The following RIC3 variants were observed in gnomAD, a reference collection of about 807,000 sequenced individuals.
RIC3 encodes protein RIC-3.
Under a neutral mutation model 27.3 loss-of-function variants are expected in RIC3, and 28 were observed. That is an observed-to-expected ratio of 1.02 (90% CI 0.76 to 1.41). RIC3 has a LOEUF of 1.41. RIC3 is among the 40% of genes most tolerant of loss of function. RIC3 has a pLI of 0.00. For synonymous variants in RIC3, 184 were observed against 160.4 expected, an observed-to-expected ratio of 1.15 and a Z score of -1.11; for missense variants, 501 against 444.7, an observed-to-expected ratio of 1.13 and a Z score of -1.14.
chr11:8,112,314 G>T (rs1186479407), intron 5 of RIC3, among the ~76,000 whole-genome samples: 1 of 147,790 alleles, frequency 6.8e-6, no homozygotes. Context: ...TTTTGAGACG[G>T]AGTCTCGCTC....
downstream of RIC3, chr11:8,101,078 C>T: frequency 1.3e-6 from 2 of 1,491,216 alleles, no homozygotes; most frequent in Non-Finnish European, 1.8e-6. Flanking sequence ...CCTAGCCCTG[C>T]CTACACTGGC....
At chr11:8,126,336 A>G (rs1178591525) in intron 5 of RIC3, among the ~76,000 whole-genome samples, 1 of 152,244 alleles carries the variant, frequency 6.6e-6, no homozygotes, top group Non-Finnish European at 1.5e-5. Flanking sequence ...AAAGAAGCCA[A>G]TGAGTATATG....
intron 1 of RIC3, among the ~76,000 whole-genome samples, chr11:8,162,355 A>G (rs992785916): frequency 2.0e-5 from 3 of 152,228 alleles, no homozygotes; most frequent in African/African-American, 7.2e-5. Context: ...TGACTTGGTG[A>G]TGCTCATGAT....
rs1945130896 is a variant in RIC3, at chr11:8,110,620, C to A, written c.*78G>T. 1.1e-5 allele frequency: 14 copies of A among 1,286,904 alleles called. No individual in the cohort carries two copies. The highest frequency in any genetic ancestry group is 1.5e-5 in the African/African-American group (1 of 68,466). The allele number at this position is 1,286,904 out of a possible 1,614,324, so 79.7% of individuals were successfully genotyped here. On this transcript the variant is annotated 3_prime_UTR_variant, in exon 6 of 6. Transcript: ENST00000309737. ...TGAACACAGTGAAGAAAGTGCAGGG[C>A]ACAGGGCCAAGAAGGAAATCTGAGG...
chr11:8,139,906 T>G, intron 2 of RIC3, 61 bp downstream of exon 2: 1 of 1,430,940 alleles, frequency 7.0e-7, no homozygotes, highest in Non-Finnish European at 9.7e-7. Flanking sequence ...ATGTAGACAA[T>G]GATTTTTATT....
intron 1 of RIC3, among the ~76,000 whole-genome samples, chr11:8,143,242 C>G (rs1949270954): frequency 6.6e-6 from 1 of 151,892 alleles, no homozygotes; most frequent in South Asian, 2.1e-4. Context: ...CAAATTGTCT[C>G]TGTTTGCAGA....
the RIC3 span, among the ~76,000 whole-genome samples, chr11:8,098,188 C>G: frequency 4.6e-5 from 7 of 151,596 alleles, no homozygotes; most frequent in South Asian, 2.1e-4. Context: ...AGGGAAGAGA[C>G]ACACAGCAAT....
At chr11:8,096,856 C>T in the RIC3 span, 10 of 1,594,786 alleles carry the variant, frequency 6.3e-6, no homozygotes, top group South Asian at 3.3e-5. Flanking sequence ...ACTGCTCATC[C>T]GTTAGAGGTG....
At chr11:8,094,821 C>T in the RIC3 span, among the ~76,000 whole-genome samples, 3 of 152,214 alleles carry the variant, frequency 2.0e-5, no homozygotes, top group South Asian at 4.1e-4. Context: ...CACTGCGTCA[C>T]GGTTGGACAG....
chr11:8,157,322 T>C (rs564979121), intron 1 of RIC3, among the ~76,000 whole-genome samples: 1 of 152,232 alleles, frequency 6.6e-6, no homozygotes, highest in Non-Finnish European at 1.5e-5. Context: ...ACTGTTAAGA[T>C]ACCAGTCCTA....
chr11:8,155,211 C>T (rs1258962469), intron 1 of RIC3, among the ~76,000 whole-genome samples: 1 of 130,734 alleles, frequency 7.6e-6, no homozygotes, highest in Non-Finnish European at 1.6e-5. Context: ...AACAGGAGAC[C>T]CCATCTTAAA....
chr11:8,134,192 G>T (rs540996303), intron 4 of RIC3, among the ~76,000 whole-genome samples: 6 of 152,064 alleles, frequency 3.9e-5, no homozygotes, highest in Non-Finnish European at 7.4e-5. Flanking sequence ...TCCCCTTCCT[G>T]TGTCCAAGTG....
downstream of RIC3, chr11:8,101,771 T>G: frequency 3.8e-6 from 5 of 1,307,270 alleles, no homozygotes; most frequent in Admixed American, 5.7e-5. Context: ...AGCCAGGAAC[T>G]GGCTCCTTTG....
At chr11:8,114,783 T>C (rs138339997) in intron 5 of RIC3, among the ~76,000 whole-genome samples, 8 of 150,222 alleles carry the variant, frequency 5.3e-5, no homozygotes, top group African/African-American at 2.0e-4. Context: ...AGATTGAAAT[T>C]ATATTAAAAA....
the RIC3 span, chr11:8,094,080 G>A: frequency 6.2e-7 from 1 of 1,614,186 alleles, no homozygotes; most frequent in Non-Finnish European, 8.5e-7. Context: ...GTGTGCAGCT[G>A]GGAGCCACGC....
At chr11:8,099,408 G>A in the RIC3 span, among the ~76,000 whole-genome samples, 1 of 152,134 alleles carries the variant, frequency 6.6e-6, no homozygotes, top group Non-Finnish European at 1.5e-5. Context: ...AATCAGGGGT[G>A]GGTATCTCAT....
In RIC3 at chr11:8,158,017, C is replaced by T. The variant is rs146969791; in HGVS notation, c.124+10849G>A. Among the ~76,000 whole-genome samples, 399 of 151,214 alleles carry T rather than the reference C, an allele frequency of 2.6e-3. 2 individuals carry two copies. Among genetic ancestry groups the T allele is most frequent in the African/African-American group, 9.4e-3 (386 of 41,126 alleles). On this transcript the variant is annotated intron_variant, in intron 1 of 5. Transcript: ENST00000309737. Reference sequence around the variant, plus strand: ...ATTCCTTCAGAGTAGATCTCTGATGCTTCATTAGGGAAAATAAATGGTAAC... The same window carrying T: ...ATTCCTTCAGAGTAGATCTCTGATGTTTCATTAGGGAAAATAAATGGTAAC...
At chr11:8,160,054 AACATGGTGGGAAAAATTTGAAC>A (rs1244873323) in intron 1 of RIC3, among the ~76,000 whole-genome samples, 1 of 152,206 alleles carries the variant, frequency 6.6e-6, no homozygotes, top group East Asian at 1.9e-4. Context: ...GAAAAATTAT[AACATGGTGGGAAAAATTTGAAC>A]ACCAACTAGA....
chr11:8,153,172 G>T (rs1217530168), intron 1 of RIC3, among the ~76,000 whole-genome samples: 1 of 152,128 alleles, frequency 6.6e-6, no homozygotes, highest in African/African-American at 2.4e-5. Flanking sequence ...AGACTAGATA[G>T]CAAAAAATAT....
Sources: allele counts gnomAD v4.1 joint callset (sites outside exome capture counted in the v4.1 genomes callset), GRCh38; gene constraint gnomAD v4.1.1; transcripts MANE v1.5; gene names NCBI Gene and HGNC (gene_info 2026-07-23, HGNC 2026-07-21).